The following NR1I2 variants were observed in gnomAD, a reference collection of about 807,000 sequenced individuals.
The protein encoded by NR1I2 is orphan nuclear receptor PAR1.
In NR1I2, 42 loss-of-function variants were observed where a neutral mutation model predicts 43.3. That is an observed-to-expected ratio of 0.97 (90% confidence interval 0.76 to 1.26). NR1I2 has a LOEUF of 1.26. Among genes scored for constraint, NR1I2 ranks in the 50% most tolerant of loss-of-function variants. The pLI is 0.00. For missense variants in NR1I2, 559 were observed against 566.7 expected (o/e 0.99, Z 0.14); for synonymous variants, 229 against 215.0 (o/e 1.06, Z -0.57).
At chr3:119,803,065 G>C in intron 1 of NR1I2, 1 of 420,552 alleles carries the variant, frequency 2.4e-6, no homozygotes, top group African/African-American at 2.0e-5. Context: ...GGGTGTGGTG[G>C]CTCATGCCTG....
intron 2 of NR1I2, among the ~76,000 whole-genome samples, chr3:119,808,281 G>T (rs1257480474): frequency 6.6e-6 from 1 of 152,172 alleles, no homozygotes; most frequent in Non-Finnish European, 1.5e-5. Context: ...TTGCAGTCTG[G>T]CTCCCCTTGT....
At chr3:119,799,770 A>G (rs888048888) in intron 1 of NR1I2, among the ~76,000 whole-genome samples, 1 of 152,154 alleles carries the variant, frequency 6.6e-6, no homozygotes. Context: ...ACCTAAGGTC[A>G]GGAATTTGAG....
At chr3:119,816,279 A>C (rs1322593042) in intron 8 of NR1I2, among the ~76,000 whole-genome samples, 1 of 152,110 alleles carries the variant, frequency 6.6e-6, no homozygotes, top group African/African-American at 2.4e-5. Context: ...CCTTCCTTGT[A>C]TGGAGGCAGG....
chr3:119,810,430 G>T, intron 3 of NR1I2: 1 of 600,706 alleles, frequency 1.7e-6, no homozygotes, highest in East Asian at 2.8e-5. Flanking sequence ...GTGCTGGGCA[G>T]CCCTGGACAG....
At chr3:119,809,701 A>G (rs900851923) in intron 2 of NR1I2, among the ~76,000 whole-genome samples, 1 of 152,160 alleles carries the variant, frequency 6.6e-6, no homozygotes, top group African/African-American at 2.4e-5. Context: ...AAGGCTGTGA[A>G]AGAGAAGGGG....
At chr3:119,810,422 GCTGGGCAGCCCTGGACAGGGCGTGCCCT>G in intron 3 of NR1I2, 1 of 624,916 alleles carries the variant, frequency 1.6e-6, no homozygotes. Context: ...TGGGATGTGT[GCTGGGCAGCCCTGGACAGGGCGTGCCCT>G]CTGTCTCCCC....
intron 1 of NR1I2, among the ~76,000 whole-genome samples, chr3:119,803,906 C>T (rs28692786): frequency 0.019 from 2,879 of 151,924 alleles, 46 homozygotes; most frequent in African/African-American, 0.043. Context: ...TACAGGCACG[C>T]GCCACCACAC....
At chr3:119,807,672 GGTTTCTCCATGT>G (rs1048881273) in intron 2 of NR1I2, among the ~76,000 whole-genome samples, 2 of 152,162 alleles carry the variant, frequency 1.3e-5, no homozygotes, top group African/African-American at 4.8e-5. Context: ...GATATCCCTT[GGTTTCTCCATGT>G]GCTCTTGAAT....
intron 1 of NR1I2, among the ~76,000 whole-genome samples, chr3:119,792,818 T>A (rs2054939773): frequency 6.6e-6 from 1 of 151,972 alleles, no homozygotes; most frequent in South Asian, 2.1e-4. Flanking sequence ...GAGGATATAG[T>A]GAGCTGAGAT....
At chr3:119,809,465 G>A (rs1474529365) in intron 2 of NR1I2, among the ~76,000 whole-genome samples, 2 of 151,580 alleles carry the variant, frequency 1.3e-5, no homozygotes, top group African/African-American at 4.8e-5. Context: ...CTGCCCCGTA[G>A]GGTATAAGAA....
chr3:119,782,759 T>C (rs2054792113), intron 1 of NR1I2: 3 of 1,613,322 alleles, frequency 1.9e-6, no homozygotes, highest in African/African-American at 1.3e-5. Context: ...GACAGCAGCA[T>C]GACAGTCACC....
At position 119,807,229 on chromosome 3, in the gene NR1I2, T is replaced by C. The variant is rs747105049; in HGVS notation, c.-22T>C. 6.2e-7 allele frequency: 1 copy of C among 1,613,410 alleles called. No individual in the cohort carries two copies. Among genetic ancestry groups the C allele is most frequent in the South Asian group, 1.1e-5 (1 of 91,060 alleles). On this transcript the variant is annotated splice_region_variant and 5_prime_UTR_variant, in exon 2 of 9. Coordinates refer to ENST00000393716, the MANE Select transcript of NR1I2 (RefSeq NM_003889.4). ...TTCTCTGTGGTTTTCTCATTTCTAGTCCAAGAGGCCCAGAAGCAAACCTGG... is the reference window on the plus strand; with the variant it reads ...TTCTCTGTGGTTTTCTCATTTCTAGCCCAAGAGGCCCAGAAGCAAACCTGG...
chr3:119,816,443 T>C (rs2055329542), intron 8 of NR1I2, among the ~76,000 whole-genome samples: 1 of 152,048 alleles, frequency 6.6e-6, no homozygotes, highest in Non-Finnish European at 1.5e-5. Flanking sequence ...CCCTGGACAT[T>C]AACGAAGGCA....
Position 119,812,977 on chromosome 3 carries a change from G to T in NR1I2, c.794+17G>T. On this transcript the variant is annotated intron_variant, in intron 5 of 8. Transcript: ENST00000393716. Reference sequence around the variant, plus strand: ...CTACTTCAGGTAGGACATGGAGACTGGGTGGTTGGGTGTGGAAAAGAACTG... The same window carrying T: ...CTACTTCAGGTAGGACATGGAGACTTGGTGGTTGGGTGTGGAAAAGAACTG... 6.2e-7 allele frequency: 1 copy of T among 1,610,702 alleles called. No homozygotes were observed. The highest frequency in any genetic ancestry group is 8.5e-7 in the Non-Finnish European group (1 of 1,179,996).
rs780684359 is a variant in NR1I2, at chr3:119,815,752, G to A, written c.1081G>A (p.Val361Met). The change falls in exon 8 of 9, where the codon GTG becomes ATG. Residue 361 changes from valine to methionine, a missense_variant. Val to Met is a conservative substitution (Grantham distance 21). This residue lies in a region of NR1I2 where 323 missense variants were observed against 312.2 expected (regional missense o/e 1.03). Coordinates refer to ENST00000393716, the MANE Select transcript of NR1I2 (RefSeq NM_003889.4). Reference sequence around the variant, plus strand: ...CCGCCCAGGTGTGCTGCAGCACCGCGTGGTGGACCAGCTGCAGGAGCAATT... The same window carrying A: ...CCGCCCAGGTGTGCTGCAGCACCGCATGGTGGACCAGCTGCAGGAGCAATT... The A allele has an allele frequency of 3.0e-5, 49 of 1,613,590 alleles. No homozygotes were observed. Among genetic ancestry groups the A allele is most frequent in the Admixed American group, 1.3e-4 (8 of 59,958 alleles).
At chr3:119,806,136 G>A (rs1052024730) in intron 1 of NR1I2, among the ~76,000 whole-genome samples, 1 of 152,220 alleles carries the variant, frequency 6.6e-6, no homozygotes, top group African/African-American at 2.4e-5. Context: ...GCCCTTGTCA[G>A]TCAGTGCCTA....
chr3:119,811,537 A>G lies in NR1I2; in HGVS notation c.332-2A>G, dbSNP rs887276782. ...CCTGAGCCAGCCTCACTGTCCCTGC[A>G]GTGATCATGTCCGACGAGGCCGTGG... On this transcript the variant is annotated splice_acceptor_variant, in intron 3 of 8. Coordinates refer to ENST00000393716, the MANE Select transcript of NR1I2 (RefSeq NM_003889.4). LOFTEE classifies it high-confidence loss of function. 3 of 1,611,350 alleles carry G rather than the reference A, an allele frequency of 1.9e-6. No individual in the cohort carries two copies. The African/African-American group carries it at 4.0e-5, about 22-fold the overall frequency.
intron 3 of NR1I2, 68 bp from the exon 4 acceptor site, chr3:119,811,471 T>A: frequency 6.8e-7 from 1 of 1,477,024 alleles, no homozygotes; most frequent in Non-Finnish European, 9.2e-7. Context: ...GGTTACACAG[T>A]GGCTCTCCAG....
rs565451645 is a variant in NR1I2, at chr3:119,791,498, A to G, written c.-23+9198A>G. On this transcript the variant is annotated intron_variant, in intron 1 of 8. Transcript: ENST00000393716. ...TCTTCTGATGGAGGAAGGAAGTAAT[A>G]CCATTTTCTATCAAAAGCATTCTTT... Among the ~76,000 whole-genome samples, 3 of 152,282 alleles carry G rather than the reference A, an allele frequency of 2.0e-5. No individual in the cohort carries two copies. The South Asian group carries it at 6.2e-4, about 32-fold the overall frequency.
Sources: gnomAD v4.1 joint callset for allele counts (sites outside exome capture counted in the v4.1 genomes callset) on GRCh38, gnomAD v4.1.1 for gene constraint, gnomAD v4.1.1 regional missense constraint, MANE v1.5 for transcripts, NCBI Gene and HGNC (gene_info 2026-07-23, HGNC 2026-07-21) for gene names.